Variants in GLDC observed in about 807,000 individuals in gnomAD.
The protein encoded by GLDC is glycine dehydrogenase (decarboxylating), mitochondrial.
In GLDC, 104 loss-of-function variants were observed where a neutral mutation model predicts 121.3. The ratio of observed to expected loss-of-function variants is 0.86; its 90% CI spans 0.73 to 1.01. The LOEUF is 1.01. Ranked by LOEUF, GLDC falls within the 50% of genes least tolerant of loss-of-function variation. The probability of loss-of-function intolerance (pLI) is 0.00; values close to 1 mark genes in which losing one functional copy is unlikely to be tolerated. For missense variants in GLDC, 1,429 were observed against 1,306.6 expected (o/e 1.09, Z -1.44); for synonymous variants, 546 against 480.6 (o/e 1.14, Z -1.78).
At chr9:6,543,935 A>G (rs1201760197) in intron 21 of GLDC, among the ~76,000 whole-genome samples, 6 of 94,202 alleles carry the variant, frequency 6.4e-5, no homozygotes, top group South Asian at 3.2e-4. Flanking sequence ...TTGGGTGGCT[A>G]TCTAAGTGGG....
chr9:6,604,680 C>A lies in GLDC; in HGVS notation c.966G>T (p.Val322=). The change falls in exon 7 of 25, where the codon GTG becomes GTT. Residue 322 remains valine, a synonymous_variant. Coordinates refer to ENST00000321612, the MANE Select transcript of GLDC (RefSeq NM_000170.3). The stretch of plus-strand genomic sequence containing the variant: ...CATGGGGTCCCCCATAGCCCAGTGG[C>A]ACTCCAAATCTCTGGGAGCTGCCCA... The part of the protein sequence containing the change: ...IALGSSQRFG[V]PLGYGGPHAA... The A allele has an allele frequency of 6.2e-7, 1 of 1,614,052 alleles. No individual in the cohort carries two copies. The highest frequency in any genetic ancestry group is 8.5e-7 in the Non-Finnish European group (1 of 1,179,930).
chr9:6,546,343 C>G (rs1307422490), intron 21 of GLDC, among the ~76,000 whole-genome samples: 1 of 151,562 alleles, frequency 6.6e-6, no homozygotes, highest in Non-Finnish European at 1.5e-5. Context: ...CAGGTGTGCA[C>G]CACCATGGTG....
chr9:6,639,668 A>AAAATAT, intron 2 of GLDC: 6 of 250,552 alleles, frequency 2.4e-5, no homozygotes, highest in South Asian at 4.8e-5. Context: ...ATAAAAAAAA[A>AAAATAT]GTATATATAT....
At chr9:6,554,837 G>C in intron 18 of GLDC, 56 bp from the exon 19 acceptor site, 2 of 1,312,994 alleles carry the variant, frequency 1.5e-6, no homozygotes, top group Non-Finnish European at 2.2e-6. Flanking sequence ...GCACCCTCCA[G>C]TGTGAAGGCC....
At position 6,588,621 on chromosome 9, in the gene GLDC, T is replaced by G. The variant is rs547588947; in HGVS notation, c.1662A>C (p.Pro554=). 1.6e-5 allele frequency: 26 copies of G among 1,606,848 alleles called. 1 individual carries two copies. In the South Asian group the frequency reaches 2.7e-4, roughly 17 times the overall value. The part of the protein sequence containing the change: ...KDISLVHSMI[P]LGSCTMKLNS... ...AAAAAAGGCCACAAATAACTACCAGTGGAATCATGCTGTGAACAAGGGAAA... is the reference window on the plus strand; with the variant it reads ...AAAAAAGGCCACAAATAACTACCAGGGGAATCATGCTGTGAACAAGGGAAA... The change falls in exon 13 of 25, where the codon CCA becomes CCC. Residue 554 remains proline (P), a synonymous_variant. Transcript: ENST00000321612.
intron 16 of GLDC, among the ~76,000 whole-genome samples, chr9:6,559,110 G>A (rs1361606747): frequency 1.3e-5 from 2 of 152,240 alleles, no homozygotes; most frequent in Non-Finnish European, 2.9e-5. Context: ...AATGACAGAC[G>A]TTAATTCCAA....
At chr9:6,621,679 G>C (rs1269002154) in intron 2 of GLDC, among the ~76,000 whole-genome samples, 2 of 152,174 alleles carry the variant, frequency 1.3e-5, no homozygotes, top group East Asian at 3.9e-4. Context: ...CACCACACCT[G>C]GCTAATTTTT....
At chr9:6,638,051 A>C (rs1819543830) in intron 2 of GLDC, among the ~76,000 whole-genome samples, 1 of 152,072 alleles carries the variant, frequency 6.6e-6, no homozygotes, top group Non-Finnish European at 1.5e-5. Flanking sequence ...ATTTATCTGA[A>C]TATCCCCCAA....
Position 6,532,864 on chromosome 9 carries a change from C to T in GLDC, c.*153G>A, listed in dbSNP as rs1445562679. The T allele has an allele frequency of 2.8e-6, 2 of 721,714 alleles. No homozygotes were observed. The highest frequency in any genetic ancestry group is 5.0e-6 in the Non-Finnish European group (2 of 397,498). 44.7% of individuals were successfully genotyped at this position (721,714 alleles called of 1,614,324 possible). A position where few individuals can be genotyped will look rare whatever the true frequency, so the allele number is the denominator to read the frequency against. On this transcript the variant is annotated 3_prime_UTR_variant, in exon 25 of 25. Transcript: ENST00000321612. ...CATCAGCTTCGACTCCCTCCAGCTA[C>T]TGTATTTACATTTACCTTGACAGAG...
chr9:6,570,300 G>C (rs781068098), intron 15 of GLDC, among the ~76,000 whole-genome samples: 1 of 152,096 alleles, frequency 6.6e-6, no homozygotes, highest in Non-Finnish European at 1.5e-5. Context: ...AAAAGACCAC[G>C]CTGTGGATTC....
chr9:6,630,250 C>A (rs1243251440), intron 2 of GLDC, among the ~76,000 whole-genome samples: 1 of 151,768 alleles, frequency 6.6e-6, no homozygotes, highest in Admixed American at 6.6e-5. Flanking sequence ...GCCTGGGTGA[C>A]AAAGCGAGAC....
At chr9:6,628,940 T>C (rs957451638) in intron 2 of GLDC, among the ~76,000 whole-genome samples, 1 of 152,104 alleles carries the variant, frequency 6.6e-6, no homozygotes, top group Non-Finnish European at 1.5e-5. Flanking sequence ...CCTCAGAGCA[T>C]TGCATAATCT....
At chr9:6,635,115 C>T (rs1288120376) in intron 2 of GLDC, among the ~76,000 whole-genome samples, 1 of 152,184 alleles carries the variant, frequency 6.6e-6, no homozygotes, top group African/African-American at 2.4e-5. Flanking sequence ...ACGAAGTCTC[C>T]ATCCTATTTG....
At chr9:6,615,020 C>A (rs1818940255) in intron 3 of GLDC, among the ~76,000 whole-genome samples, 1 of 152,098 alleles carries the variant, frequency 6.6e-6, no homozygotes, top group Non-Finnish European at 1.5e-5. Context: ...TGTCACTGAC[C>A]AAAATATCAC....
At chr9:6,537,619 A>G (rs980251259) in intron 22 of GLDC, among the ~76,000 whole-genome samples, 1 of 152,182 alleles carries the variant, frequency 6.6e-6, no homozygotes, top group Admixed American at 6.5e-5. Flanking sequence ...CGTCTCTACA[A>G]AAAATACAAA....
chr9:6,561,276 G>A (rs1254987990), intron 16 of GLDC, among the ~76,000 whole-genome samples: 1 of 152,234 alleles, frequency 6.6e-6, no homozygotes, highest in African/African-American at 2.4e-5. Flanking sequence ...ATATGTTGCT[G>A]TCAGACATTT....
intron 16 of GLDC, 80 bp downstream of exon 16, chr9:6,565,274 G>C (rs1817832246): frequency 1.1e-6 from 1 of 952,278 alleles, no homozygotes. Flanking sequence ...GGCTTGGAGG[G>C]AGTGTCCCAC....
rs763075374 is a variant in GLDC at position 6,553,384 on chromosome 9, G to C, written c.2441C>G (p.Ser814Cys). ...AGGCCTCACCTTGATATAAGCCCAG[G>C]AAATGGGCAAGATGGAACTGGAGCC... ...PWGSSSILPI[S>C]WAYIKMMGGK... Residue 814 changes from serine (S) to cysteine (C), a missense_variant, in exon 20 of 25, where the codon TCC becomes TGC. Coordinates refer to ENST00000321612, the MANE Select transcript of GLDC (RefSeq NM_000170.3). 4 of 1,614,006 alleles carry C rather than the reference G, an allele frequency of 2.5e-6. No individual in the cohort carries two copies. The highest frequency in any genetic ancestry group is 3.4e-6 in the Non-Finnish European group (4 of 1,179,908).
At chr9:6,642,951 T>C (rs1587988564) in intron 2 of GLDC, among the ~76,000 whole-genome samples, 1 of 152,034 alleles carries the variant, frequency 6.6e-6, no homozygotes, top group East Asian at 1.9e-4. Flanking sequence ...CAGGTGGAAG[T>C]GCAGTGGAGC....
Sources: gnomAD v4.1 joint callset for allele counts (sites outside exome capture counted in the v4.1 genomes callset) on GRCh38, gnomAD v4.1.1 for gene constraint, MANE v1.5 for transcripts, NCBI Gene and HGNC (gene_info 2026-07-23, HGNC 2026-07-21) for gene names.